Variants in ADAMTSL1 observed in about 807,000 individuals in gnomAD.
The protein encoded by ADAMTSL1 is ADAMTS like 1, also known as ADAMTS-like protein 1.
A neutral mutation model predicts 201.8 loss-of-function variants in ADAMTSL1; 126 were observed. The ratio of observed to expected loss-of-function variants is 0.62; its 90% confidence interval spans 0.54 to 0.72. The LOEUF (loss-of-function observed/expected upper bound fraction) is 0.72, where lower values mean the gene tolerates loss of function less well. Ranked by LOEUF, ADAMTSL1 falls within the 30% of genes least tolerant of loss-of-function variation. The probability of loss-of-function intolerance (pLI) is 0.00; values close to 1 mark genes in which losing one functional copy is unlikely to be tolerated. For missense variants in ADAMTSL1, 2,679 were observed against 2,277.8 expected (o/e 1.18, Z -3.59); for synonymous variants, 1,121 against 903.4 (o/e 1.24, Z -4.32).
intron 2 of ADAMTSL1, among the ~76,000 whole-genome samples, chr9:18,238,633 C>T (rs1429192925): frequency 6.6e-6 from 1 of 152,164 alleles, no homozygotes; most frequent in Non-Finnish European, 1.5e-5. Context: ...TTTCCCATTT[C>T]TTCTCTAATA....
At chr9:18,582,718 G>C (rs1420871706) in intron 4 of ADAMTSL1, among the ~76,000 whole-genome samples, 2 of 151,766 alleles carry the variant, frequency 1.3e-5, no homozygotes, top group Admixed American at 6.6e-5. Context: ...GTGTGGTAGA[G>C]GGCACCTGTA....
At chr9:18,050,001 A>T (rs1821857786) in intron 1 of ADAMTSL1, among the ~76,000 whole-genome samples, 1 of 152,200 alleles carries the variant, frequency 6.6e-6, no homozygotes, top group Non-Finnish European at 1.5e-5. Flanking sequence ...TGTCACTTGC[A>T]GCCACAGGAA....
chr9:18,566,883 T>C (rs1008866174), intron 3 of ADAMTSL1, among the ~76,000 whole-genome samples: 1 of 152,190 alleles, frequency 6.6e-6, no homozygotes, highest in African/African-American at 2.4e-5. Flanking sequence ...GATGGCTCCT[T>C]GGACTTGGTT....
Position 18,775,779 on chromosome 9 carries a change from A to T in ADAMTSL1, c.2434A>T (p.Ser812Cys). 1 of 1,612,866 alleles carries T rather than the reference A, an allele frequency of 6.2e-7. No homozygotes were observed. Among genetic ancestry groups the T allele is most frequent in the Non-Finnish European group, 8.5e-7 (1 of 1,179,488 alleles). Residue 812 changes from serine (S) to cysteine (C), a missense_variant, in exon 18 of 29, where the codon AGC becomes TGC. Physicochemically the swap from Ser to Cys is moderately radical, Grantham distance 112. Coordinates refer to ENST00000380548, the MANE Select transcript of ADAMTSL1 (RefSeq NM_001040272.6). Reference protein sequence around the residue: ...TSCGEGTQTRSAICRKMLKTG... With the variant: ...TSCGEGTQTRCAICRKMLKTG... ...CTGCGGGGAAGGCACCCAGACTCGA[A>T]GCGCCATTTGCCGAAAGATGCTGAA...
intron 2 of ADAMTSL1, among the ~76,000 whole-genome samples, chr9:18,397,957 T>C (rs188420265): frequency 1.2e-4 from 18 of 152,270 alleles, no homozygotes; most frequent in Admixed American, 1.1e-3. Flanking sequence ...ATGCCCATAA[T>C]GAGGTGTGTA....
intron 2 of ADAMTSL1, among the ~76,000 whole-genome samples, chr9:18,528,234 T>C (rs183062048): frequency 9.9e-5 from 15 of 152,222 alleles, no homozygotes; most frequent in African/African-American, 3.6e-4. Context: ...GTGCAGGATA[T>C]GCAGGTTTGT....
At chr9:18,701,638 C>T (rs536481566) in intron 13 of ADAMTSL1, among the ~76,000 whole-genome samples, 24 of 152,262 alleles carry the variant, frequency 1.6e-4, no homozygotes, top group African/African-American at 5.5e-4. Flanking sequence ...AAAGAGAAAT[C>T]CACAACCTCT....
intron 2 of ADAMTSL1, among the ~76,000 whole-genome samples, chr9:18,435,296 GA>G (rs908232716): frequency 7.2e-5 from 11 of 152,186 alleles, no homozygotes; most frequent in African/African-American, 2.4e-4. Context: ...TCATAAGTGA[GA>G]AAACCTTAAG....
chr9:18,760,085 C>G (rs1455065735), intron 16 of ADAMTSL1, among the ~76,000 whole-genome samples: 1 of 152,148 alleles, frequency 6.6e-6, no homozygotes, highest in Non-Finnish European at 1.5e-5. Flanking sequence ...TACATACCTG[C>G]CTGCCACCCC....
intron 1 of ADAMTSL1, among the ~76,000 whole-genome samples, chr9:18,475,905 T>C (rs1331041456): frequency 1.3e-5 from 2 of 152,182 alleles, no homozygotes; most frequent in East Asian, 3.8e-4. Flanking sequence ...TGCTATCCAT[T>C]TGGTAAACGC....
At chr9:18,064,230 G>T (rs1822592836) in intron 1 of ADAMTSL1, among the ~76,000 whole-genome samples, 1 of 151,966 alleles carries the variant, frequency 6.6e-6, no homozygotes, top group African/African-American at 2.4e-5. Flanking sequence ...GTGTGGGTTG[G>T]GGGTGGGTTG....
intron 2 of ADAMTSL1, among the ~76,000 whole-genome samples, chr9:18,432,223 AT>A (rs1238119257): frequency 6.6e-6 from 1 of 152,196 alleles, no homozygotes; most frequent in Admixed American, 6.5e-5. Flanking sequence ...ACTGATGAAA[AT>A]GTTGATCAGA....
At chr9:18,423,407 G>A (rs756976358) in intron 2 of ADAMTSL1, among the ~76,000 whole-genome samples, 10 of 152,114 alleles carry the variant, frequency 6.6e-5, no homozygotes, top group Admixed American at 1.3e-4. Flanking sequence ...CTGATTCCCC[G>A]TTAGATTCAC....
intron 23 of ADAMTSL1, among the ~76,000 whole-genome samples, chr9:18,867,169 C>G (rs1827585500): frequency 6.6e-6 from 1 of 152,218 alleles, no homozygotes; most frequent in Non-Finnish European, 1.5e-5. Flanking sequence ...CTGCCACACA[C>G]AGCAACCAAC....
At chr9:18,768,807 C>T (rs190112989) in intron 16 of ADAMTSL1, among the ~76,000 whole-genome samples, 436 of 152,188 alleles carry the variant, frequency 2.9e-3, no homozygotes, top group African/African-American at 0.01. Flanking sequence ...AACCACTGGT[C>T]GTAACAGAGA....
chr9:18,178,445 G>T (rs1828281968), intron 2 of ADAMTSL1, among the ~76,000 whole-genome samples: 1 of 152,140 alleles, frequency 6.6e-6, no homozygotes, highest in Admixed American at 6.5e-5. Flanking sequence ...CAGCGAGGCT[G>T]GGGGAGGGGC....
At chr9:18,371,445 AG>A (rs1360053862) in intron 2 of ADAMTSL1, among the ~76,000 whole-genome samples, 2 of 152,124 alleles carry the variant, frequency 1.3e-5, no homozygotes, top group African/African-American at 4.8e-5. Context: ...CACAAGAGGG[AG>A]GTCTTTCTTT....
At chr9:18,507,820 C>A (rs1366378494) in intron 2 of ADAMTSL1, among the ~76,000 whole-genome samples, 7 of 152,102 alleles carry the variant, frequency 4.6e-5, no homozygotes, top group African/African-American at 1.4e-4. Flanking sequence ...CTGGCAGGGG[C>A]CCTTTGTGGA....
At chr9:17,942,254 G>A (rs1256857467) in intron 1 of ADAMTSL1, among the ~76,000 whole-genome samples, 2 of 152,016 alleles carry the variant, frequency 1.3e-5, no homozygotes, top group Non-Finnish European at 2.9e-5. Flanking sequence ...CATTGTGAAT[G>A]TATTTAATGC....
Sources: gnomAD v4.1 joint callset for allele counts (sites outside exome capture counted in the v4.1 genomes callset) on GRCh38, gnomAD v4.1.1 for gene constraint, MANE v1.5 for transcripts, NCBI Gene and HGNC (gene_info 2026-07-23, HGNC 2026-07-21) for gene names.